Variants in MUL1 observed in about 807,000 individuals in gnomAD.
MUL1 encodes the protein mitochondrial ubiquitin ligase activator of NFKB 1.
A neutral mutation model predicts 34.1 loss-of-function variants in MUL1; 30 were observed. The observed-to-expected ratio is 0.88, with a 90% confidence interval of 0.66 to 1.19. The LOEUF (loss-of-function observed/expected upper bound fraction) is 1.19, where lower values mean the gene tolerates loss of function less well. MUL1 is among the 50% of genes most tolerant of loss of function. MUL1 has a pLI of 0.00. For synonymous variants in MUL1, 191 were observed against 187.8 expected, an observed-to-expected ratio of 1.02 and a Z score of -0.14; for missense variants, 419 against 450.5, an observed-to-expected ratio of 0.93 and a Z score of 0.63.
At position 20,501,113 on chromosome 1, in the gene MUL1, C is replaced by T. The variant is rs115435412; in HGVS notation, c.636G>A (p.Pro212=). Residue 212 remains proline, a synonymous_variant, in exon 4 of 4, where the codon CCG becomes CCA. Coordinates refer to ENST00000264198, the MANE Select transcript of MUL1 (RefSeq NM_024544.3). This position sits in a 1 kb window ranked among gnomAD's most constrained non-coding sequence, Gnocchi z 4.2. ...VLDNNSVRLQ[P]PKQGMQYYLS... ...GATAGTACTGCATGCCTTGTTTGGGCGGCTGCAGGCGGACAGAGTTGTTGT... is the reference window on the plus strand; with the variant it reads ...GATAGTACTGCATGCCTTGTTTGGGTGGCTGCAGGCGGACAGAGTTGTTGT... 4.5e-3 allele frequency: 7,332 copies of T among 1,614,078 alleles called. 33 individuals carry two copies. The highest frequency in any genetic ancestry group is 5.0e-3 in the Non-Finnish European group (5,921 of 1,179,994).
At chr1:20,505,694 A>G (rs2051707834) in intron 1 of MUL1, among the ~76,000 whole-genome samples, 1 of 151,760 alleles carries the variant, frequency 6.6e-6, no homozygotes, top group Non-Finnish European at 1.5e-5. Context: ...AGGGAGGGAG[A>G]AAGAGAGGAA....
In MUL1 at chr1:20,500,510, G is replaced by C. The variant is rs1334977914; in HGVS notation, c.*180C>G. 1.3e-6 allele frequency: 1 copy of C among 762,236 alleles called. No individual in the cohort carries two copies. Among genetic ancestry groups the C allele is most frequent in the East Asian group, 2.6e-5 (1 of 37,794 alleles). 47.2% of individuals were successfully genotyped at this position (762,236 alleles called of 1,614,324 possible). On this transcript the variant is annotated 3_prime_UTR_variant, in exon 4 of 4. Transcript: ENST00000264198. Reference sequence around the variant, plus strand: ...CATGGACAGGGTCCCCTCTCAGGTGGGAAAGGCAGCATCCTGCCATTGGAG... The same window carrying C: ...CATGGACAGGGTCCCCTCTCAGGTGCGAAAGGCAGCATCCTGCCATTGGAG...
At chr1:20,503,153 G>T in intron 2 of MUL1, 69 bp downstream of exon 2, 1 of 1,170,202 alleles carries the variant, frequency 8.5e-7, no homozygotes, top group Non-Finnish European at 1.2e-6. Context: ...CTTCATATTA[G>T]CCAAGATGAT....
At chr1:20,506,323 A>T (rs1464249085) in intron 1 of MUL1, among the ~76,000 whole-genome samples, 2 of 152,216 alleles carry the variant, frequency 1.3e-5, no homozygotes, top group East Asian at 3.8e-4. Flanking sequence ...ACTGTGTTAG[A>T]AGCTAGAGGA....
At chr1:20,506,662 C>T (rs1274663464) in intron 1 of MUL1, among the ~76,000 whole-genome samples, 1 of 151,914 alleles carries the variant, frequency 6.6e-6, no homozygotes, top group Non-Finnish European at 1.5e-5. Context: ...CCAGCCTGGC[C>T]AACATGGCAA....
rs745955061 is a variant in MUL1 at position 20,501,156 on chromosome 1, A to G, written c.593T>C (p.Val198Ala). ...MLKVGATLTG[V>A]GELVLDNNSV... ...GTTGTTGTCCAGGACCAGTTCGCCA[A>G]CCCCTGTGAGGGTGGCCCCCACCTT... Residue 198 changes from valine (V) to alanine (A), a missense_variant, in exon 4 of 4, where the codon GTT becomes GCT. Coordinates refer to ENST00000264198, the MANE Select transcript of MUL1 (RefSeq NM_024544.3). This position sits in a 1 kb window ranked among gnomAD's most constrained non-coding sequence, Gnocchi z 4.2. The G allele has an allele frequency of 1.3e-5, 21 of 1,613,954 alleles. No individual in the cohort carries two copies. Among genetic ancestry groups the G allele is most frequent in the Non-Finnish European group, 1.7e-5 (20 of 1,179,944 alleles).
chr1:20,501,569 G>T lies in MUL1; in HGVS notation c.330-150C>A. The T allele has an allele frequency of 1.2e-6, 1 of 862,656 alleles. No homozygotes were observed. Among genetic ancestry groups the T allele is most frequent in the Non-Finnish European group, 1.7e-6 (1 of 575,798 alleles). The allele number at this position is 862,656 out of a possible 1,614,324, so 53.4% of individuals were successfully genotyped here. On this transcript the variant is annotated intron_variant, in intron 3 of 3. Coordinates refer to ENST00000264198, the MANE Select transcript of MUL1 (RefSeq NM_024544.3). The surrounding 1 kb of genome is among the most constrained non-coding windows in gnomAD (Gnocchi z 4.2). Reference sequence around the variant, plus strand: ...ACTATCTCCAGTTGCCTCCTAACAAGGAGGCTCCATTTGTAGGTCCTGGGG... The same window carrying T: ...ACTATCTCCAGTTGCCTCCTAACAATGAGGCTCCATTTGTAGGTCCTGGGG...
chr1:20,507,872 C>T, intron 1 of MUL1, 33 bp downstream of exon 1: 3 of 1,589,118 alleles, frequency 1.9e-6, no homozygotes, highest in Non-Finnish European at 2.6e-6. Flanking sequence ...ACAGAGATGA[C>T]CCGGCTGAGG....
intron 1 of MUL1, among the ~76,000 whole-genome samples, chr1:20,504,288 C>T (rs765614517): frequency 7.2e-5 from 11 of 152,204 alleles, no homozygotes; most frequent in Non-Finnish European, 1.6e-4. Context: ...GTCCAACCCA[C>T]TGCACTTGGG....
At chr1:20,504,369 T>A (rs2051693278) in intron 1 of MUL1, among the ~76,000 whole-genome samples, 1 of 152,202 alleles carries the variant, frequency 6.6e-6, no homozygotes, top group African/African-American at 2.4e-5. Context: ...TTCCTGAGCA[T>A]CTTTGTGCCA....
chr1:20,501,280 C>A lies in MUL1; in HGVS notation c.469G>T (p.Glu157Ter). 1 of 1,614,180 alleles carries A rather than the reference C, an allele frequency of 6.2e-7. No homozygotes were observed. The highest frequency in any genetic ancestry group is 8.5e-7 in the Non-Finnish European group (1 of 1,180,032). ...GACTGAATCGAGGGGTGGAACTTCTCATACACAGTCTCTAGACCCAGATCC... is the reference window on the plus strand; with the variant it reads ...GACTGAATCGAGGGGTGGAACTTCTAATACACAGTCTCTAGACCCAGATCC... ...SVDLGLETVY[E>*]KFHPSIQSFT... Residue 157 changes from glutamate to a stop codon, truncating the protein, a stop_gained, in exon 4 of 4, where the codon GAG becomes TAG. Transcript: ENST00000264198. LOFTEE classifies it high-confidence loss of function. The surrounding 1 kb of genome is among the most constrained non-coding windows in gnomAD (Gnocchi z 4.2).
At position 20,507,935 on chromosome 1, in the gene MUL1, C is replaced by G; in HGVS notation, c.90G>C (p.Arg30=). ...GCTCTTGGGAGACCCGGGCCTTCTG[C>G]CGGTACACGGAGTACAGGGCGGCGG... ...VVTAALYSVY[R]QKARVSQELK... The change falls in exon 1 of 4, where the codon CGG becomes CGC. Residue 30 remains arginine (R), a synonymous_variant. Coordinates refer to ENST00000264198, the MANE Select transcript of MUL1 (RefSeq NM_024544.3). The G allele has an allele frequency of 6.3e-7, 1 of 1,596,798 alleles. No individual in the cohort carries two copies. Among genetic ancestry groups the G allele is most frequent in the East Asian group, 2.3e-5 (1 of 44,224 alleles).
intron 1 of MUL1, among the ~76,000 whole-genome samples, chr1:20,505,167 G>C (rs1191782357): frequency 6.6e-6 from 1 of 152,170 alleles, no homozygotes; most frequent in Admixed American, 6.5e-5. Flanking sequence ...TTCAAGGTGT[G>C]AAAGAATCCA....
rs748362250 is a variant in MUL1 at position 20,500,923 on chromosome 1, G to C, written c.826C>G (p.Gln276Glu). The change falls in exon 4 of 4, where the codon CAG becomes GAG. Residue 276 changes from glutamine (Q) to glutamate (E), a missense_variant. Physicochemically the swap from Gln to Glu is conservative, Grantham distance 29. Transcript: ENST00000264198. ...GCCTCATGCTCCTGGAACTCCTCCT[G>C]CATCTGCTTGAGGCGCAGGCGCTCC... Reference protein sequence around the residue: ...RQERLRLKQMQEEFQEHEAQL... With the variant: ...RQERLRLKQMEEEFQEHEAQL... 5 of 1,613,984 alleles carry C rather than the reference G, an allele frequency of 3.1e-6. No homozygotes were observed. The East Asian group carries it at 8.9e-5, about 29-fold the overall frequency.
chr1:20,500,573 A>C lies in MUL1; in HGVS notation c.*117T>G. 1 of 1,348,500 alleles carries C rather than the reference A, an allele frequency of 7.4e-7. No homozygotes were observed. Among genetic ancestry groups the C allele is most frequent in the Non-Finnish European group, 1.0e-6 (1 of 997,936 alleles). 83.5% of individuals were successfully genotyped at this position (1,348,500 alleles called of 1,614,324 possible). On this transcript the variant is annotated 3_prime_UTR_variant, in exon 4 of 4. Transcript: ENST00000264198. Reference sequence around the variant, plus strand: ...AGAGTTTCTACCCAATTCCTCCCTCAATCATACCTGGAGGTGACAGCTACC... The same window carrying C: ...AGAGTTTCTACCCAATTCCTCCCTCCATCATACCTGGAGGTGACAGCTACC...
rs1374524719 is a variant in MUL1, at chr1:20,506,052, T to C, written c.120+1853A>G. Among the ~76,000 whole-genome samples, 3 of 152,298 alleles carry C rather than the reference T, an allele frequency of 2.0e-5. No homozygotes were observed. In the East Asian group the frequency reaches 5.8e-4, roughly 29 times the overall value. On this transcript the variant is annotated intron_variant, in intron 1 of 3. Transcript: ENST00000264198. The stretch of plus-strand genomic sequence containing the variant: ...TTTCCAGATTCCAAAACTCCCTTCA[T>C]GGCAGGGACTGGAGTTCACACATTG...
chr1:20,504,682 T>C (rs1452291717), intron 1 of MUL1, among the ~76,000 whole-genome samples: 1 of 152,256 alleles, frequency 6.6e-6, no homozygotes, highest in African/African-American at 2.4e-5. Context: ...CTAGGAGGGC[T>C]TGGACACTGT....
chr1:20,507,999 A>G lies in MUL1; in HGVS notation c.26T>C (p.Leu9Pro), dbSNP rs1469870077. The change falls in exon 1 of 4, where the codon CTG becomes CCG. Residue 9 changes from leucine (L) to proline (P), a missense_variant. Transcript: ENST00000264198. Reference protein sequence around the residue: MESGGRPSLCQFILLGTTS... With the variant: MESGGRPSPCQFILLGTTS... ...GGTGCCCAGGAGGATGAACTGGCAC[A>G]GCGAGGGCCGCCCTCCGCTCTCCAT... 3.8e-6 allele frequency: 6 copies of G among 1,587,730 alleles called. No individual in the cohort carries two copies. The highest frequency in any genetic ancestry group is 5.1e-6 in the Non-Finnish European group (6 of 1,168,612).
At position 20,503,267 on chromosome 1, in the gene MUL1, G is replaced by T; in HGVS notation, c.163C>A (p.Leu55Ile). ...VHLGEDLKSI[L>I]SEAPGKCVPY... ...ACGCATTTTCCTGGAGCTTCTGAAA[G>T]AATACTCTTTAAATCTTCACCCAAA... The change falls in exon 2 of 4, where the codon CTT becomes ATT. Residue 55 changes from leucine (L) to isoleucine (I), a missense_variant. Physicochemically the swap from Leu to Ile is conservative, Grantham distance 5. Coordinates refer to ENST00000264198, the MANE Select transcript of MUL1 (RefSeq NM_024544.3). 2 of 1,607,954 alleles carry T rather than the reference G, an allele frequency of 1.2e-6. No individual in the cohort carries two copies. The highest frequency in any genetic ancestry group is 1.1e-5 in the South Asian group (1 of 89,614).
Sources: gnomAD v4.1 joint callset for allele counts (sites outside exome capture counted in the v4.1 genomes callset) on GRCh38, gnomAD v4.1.1 for gene constraint, Gnocchi (gnomAD v3.1) non-coding constraint, MANE v1.5 for transcripts, NCBI Gene and HGNC (gene_info 2026-07-23, HGNC 2026-07-21) for gene names.